The following EEPD1 variants were observed in gnomAD, a reference collection of about 807,000 sequenced individuals.
The protein encoded by EEPD1 is endonuclease/exonuclease/phosphatase family domain containing 1.
Under a neutral mutation model 46.3 loss-of-function variants are expected in EEPD1, and 17 were observed. The observed-to-expected ratio is 0.37, with a 90% CI of 0.25 to 0.55. EEPD1 has a LOEUF of 0.55. Among genes scored for constraint, EEPD1 ranks in the 20% least tolerant of loss-of-function variants. EEPD1 has a pLI of 0.83. For missense variants in EEPD1, 673 were observed against 745.6 expected (o/e 0.90, Z 1.13); for synonymous variants, 313 against 315.6 (o/e 0.99, Z 0.09).
At chr7:36,217,086 A>G (rs1583814619) in intron 2 of EEPD1, among the ~76,000 whole-genome samples, 2 of 152,276 alleles carry the variant, frequency 1.3e-5, no homozygotes, top group East Asian at 3.8e-4. Flanking sequence ...AATTTGGGGC[A>G]AGTCCATGGA....
intron 3 of EEPD1, among the ~76,000 whole-genome samples, chr7:36,264,726 T>C (rs922785958): frequency 1.3e-4 from 20 of 152,342 alleles, no homozygotes; most frequent in African/African-American, 4.8e-4. Context: ...ACAGTTTTTC[T>C]TCTTTTAAGA....
chr7:36,254,891 T>C (rs1274550116), intron 3 of EEPD1, among the ~76,000 whole-genome samples: 1 of 152,236 alleles, frequency 6.6e-6, no homozygotes, highest in Non-Finnish European at 1.5e-5. Context: ...TGACCAGTGA[T>C]GATGAGCTTT....
chr7:36,246,762 T>C (rs528696700), intron 3 of EEPD1, among the ~76,000 whole-genome samples: 10 of 152,272 alleles, frequency 6.6e-5, no homozygotes, highest in Admixed American at 1.3e-4. Context: ...AGCAGACCTC[T>C]AAGATGTCTT....
rs1283184972 is a variant in EEPD1 at position 36,193,272 on chromosome 7, G to T, written c.878+38070G>T. Reference sequence around the variant, plus strand: ...TGGAAGTGCCAACCAGCAGAAGTTAGATGGAGAAGAGGCCCAGAGAGCAGA... The same window carrying T: ...TGGAAGTGCCAACCAGCAGAAGTTATATGGAGAAGAGGCCCAGAGAGCAGA... On this transcript the variant is annotated intron_variant, in intron 2 of 7. Coordinates refer to ENST00000242108, the MANE Select transcript of EEPD1 (RefSeq NM_030636.3). This position sits in a 1 kb window ranked among gnomAD's most constrained non-coding sequence, Gnocchi z 4.9. Among the ~76,000 whole-genome samples the T allele has an allele frequency of 6.6e-6, 1 of 151,786 alleles. No individual in the cohort carries two copies. The highest frequency in any genetic ancestry group is 1.5e-5 in the Non-Finnish European group (1 of 67,880).
At chr7:36,235,785 C>T (rs966176329) in intron 2 of EEPD1, among the ~76,000 whole-genome samples, 62 of 152,326 alleles carry the variant, frequency 4.1e-4, no homozygotes, top group African/African-American at 1.5e-3. Context: ...CTATCAGATA[C>T]TTTTAGAATT....
chr7:36,242,026 G>A (rs1256312613), intron 3 of EEPD1, among the ~76,000 whole-genome samples: 1 of 152,226 alleles, frequency 6.6e-6, no homozygotes, highest in Non-Finnish European at 1.5e-5. Flanking sequence ...GGAGCCAGTT[G>A]TGCTGCCCTG....
At chr7:36,192,477 T>C (rs888045) in intron 2 of EEPD1, among the ~76,000 whole-genome samples, 21,661 of 151,400 alleles carry the variant, frequency 0.14, 1,656 homozygotes, top group Non-Finnish European at 0.17. Context: ...TGACACTGTC[T>C]ATTTTTGTGT....
chr7:36,228,157 G>A (rs1283684237), intron 2 of EEPD1, among the ~76,000 whole-genome samples: 2 of 152,146 alleles, frequency 1.3e-5, no homozygotes, highest in Admixed American at 6.5e-5. Flanking sequence ...AGGGAAAAGA[G>A]GCGTGTTCAG....
At chr7:36,280,688 G>A (rs894967387) in intron 3 of EEPD1, among the ~76,000 whole-genome samples, 5 of 152,160 alleles carry the variant, frequency 3.3e-5, no homozygotes, top group Non-Finnish European at 7.3e-5. Context: ...TTTTGCCCCT[G>A]TAAGCTGAGC....
chr7:36,175,244 G>A (rs1352301405), intron 2 of EEPD1, among the ~76,000 whole-genome samples: 4 of 152,200 alleles, frequency 2.6e-5, no homozygotes, highest in African/African-American at 7.2e-5. Flanking sequence ...TGATTTAACA[G>A]CCCTCACAGA....
At chr7:36,289,989 T>C (rs1039237544) in intron 6 of EEPD1, among the ~76,000 whole-genome samples, 1 of 152,232 alleles carries the variant, frequency 6.6e-6, no homozygotes, top group Admixed American at 6.5e-5. Context: ...AACGTTCTAC[T>C]TTAAGGATGA....
At chr7:36,244,709 A>G (rs1210451881) in intron 3 of EEPD1, among the ~76,000 whole-genome samples, 1 of 150,812 alleles carries the variant, frequency 6.6e-6, no homozygotes, top group Non-Finnish European at 1.5e-5. Flanking sequence ...AGCCTGTGAA[A>G]CTGCTCTCTG....
At chr7:36,172,631 T>G (rs956054071) in intron 2 of EEPD1, among the ~76,000 whole-genome samples, 23 of 150,886 alleles carry the variant, frequency 1.5e-4, no homozygotes, top group Non-Finnish European at 2.4e-4. Context: ...TTTTTTTTTT[T>G]TTTTTTTTTT....
chr7:36,184,427 C>T (rs1000737435), intron 2 of EEPD1, among the ~76,000 whole-genome samples: 1 of 152,182 alleles, frequency 6.6e-6, no homozygotes, highest in Admixed American at 6.5e-5. Context: ...TTAGCAGCCA[C>T]AGCCAGTGCT....
At chr7:36,227,075 G>C (rs1279917964) in intron 2 of EEPD1, among the ~76,000 whole-genome samples, 1 of 152,088 alleles carries the variant, frequency 6.6e-6, no homozygotes, top group African/African-American at 2.4e-5. Flanking sequence ...AAGAAGGGAG[G>C]GGGGGTGGCC....
At position 36,198,928 on chromosome 7, in the gene EEPD1, A is replaced by G. The variant is rs1477237906; in HGVS notation, c.879-40057A>G. Among the ~76,000 whole-genome samples, 3 of 151,996 alleles carry G rather than the reference A, an allele frequency of 2.0e-5. No homozygotes were observed. In the East Asian group the frequency reaches 5.8e-4, roughly 29 times the overall value. On this transcript the variant is annotated intron_variant, in intron 2 of 7. Transcript: ENST00000242108. ...AGCTGGTGGGAGGAGGTGCTCTTCTAGATATGCAGACAGCCCTCTACAGGG... is the reference window on the plus strand; with the variant it reads ...AGCTGGTGGGAGGAGGTGCTCTTCTGGATATGCAGACAGCCCTCTACAGGG...
chr7:36,261,366 C>T (rs917957146), intron 3 of EEPD1, among the ~76,000 whole-genome samples: 2 of 152,176 alleles, frequency 1.3e-5, no homozygotes, highest in East Asian at 3.8e-4. Flanking sequence ...ACTTTTCCCT[C>T]CTGCCTTGTT....
chr7:36,255,291 A>G (rs1428594932), intron 3 of EEPD1, among the ~76,000 whole-genome samples: 1 of 152,168 alleles, frequency 6.6e-6, no homozygotes, highest in Non-Finnish European at 1.5e-5. Flanking sequence ...TAAGTCTTTA[A>G]TCCATCTTGA....
chr7:36,200,988 G>A (rs1785703025), intron 2 of EEPD1, among the ~76,000 whole-genome samples: 1 of 152,058 alleles, frequency 6.6e-6, no homozygotes, highest in African/African-American at 2.4e-5. Flanking sequence ...ACCTGTAATG[G>A]GACATACCTG....
Sources: gnomAD v4.1 joint callset for allele counts (sites outside exome capture counted in the v4.1 genomes callset) on GRCh38, gnomAD v4.1.1 for gene constraint, Gnocchi (gnomAD v3.1) non-coding constraint, MANE v1.5 for transcripts, NCBI Gene and HGNC (gene_info 2026-07-23, HGNC 2026-07-21) for gene names.